AMPH: variants seen among roughly 807,000 people sequenced by gnomAD.
AMPH encodes the protein amphiphysin.
In AMPH, 49 loss-of-function variants were observed where a neutral mutation model predicts 99.1. The ratio of observed to expected loss-of-function variants is 0.49; its 90% CI spans 0.39 to 0.63. AMPH has a LOEUF of 0.63. Ranked by LOEUF, AMPH falls within the 20% of genes least tolerant of loss-of-function variation. AMPH has a pLI of 0.00. For synonymous variants in AMPH, 314 were observed against 317.3 expected (o/e 0.99, Z 0.11); for missense variants, 759 against 863.4 (o/e 0.88, Z 1.52).
intron 16 of AMPH, among the ~76,000 whole-genome samples, chr7:38,419,239 T>A (rs1200756385): frequency 6.6e-6 from 1 of 152,142 alleles, no homozygotes; most frequent in Non-Finnish European, 1.5e-5. Context: ...CATGGCAAGT[T>A]CCACAGAGAA....
At chr7:38,432,410 A>G (rs1786067283) in intron 12 of AMPH, among the ~76,000 whole-genome samples, 198 bp from the exon 13 acceptor site, 1 of 152,188 alleles carries the variant, frequency 6.6e-6, no homozygotes, top group African/African-American at 2.4e-5. Context: ...ACATGTGGCT[A>G]TTGAGCACTT....
chr7:38,442,789 A>T (rs1584098317), intron 11 of AMPH, among the ~76,000 whole-genome samples: 2 of 92,396 alleles, frequency 2.2e-5, no homozygotes, highest in African/African-American at 1.0e-4. Flanking sequence ...CCCTGAATAT[A>T]AAAAAAAAAC....
intron 1 of AMPH, among the ~76,000 whole-genome samples, chr7:38,585,892 T>A (rs1562845236): frequency 6.6e-6 from 1 of 152,256 alleles, no homozygotes; most frequent in Non-Finnish European, 1.5e-5. Context: ...AGATTTCATT[T>A]ACATAATCCT....
chr7:38,394,322 G>A, intron 17 of AMPH, 108 bp from the exon 18 acceptor site: 1 of 1,189,802 alleles, frequency 8.4e-7, no homozygotes, highest in Non-Finnish European at 1.2e-6. Context: ...ATTCAGATTT[G>A]GAACATTCTT....
At chr7:38,604,241 C>T (rs1416771458) in intron 1 of AMPH, among the ~76,000 whole-genome samples, 1 of 152,212 alleles carries the variant, frequency 6.6e-6, no homozygotes, top group Non-Finnish European at 1.5e-5. Flanking sequence ...CACACAGAAA[C>T]AATGCATAGC....
chr7:38,463,295 G>A (rs1173512861), intron 9 of AMPH, 182 bp from the exon 10 acceptor site: 1 of 774,832 alleles, frequency 1.3e-6, no homozygotes, highest in East Asian at 2.7e-5. Flanking sequence ...CCATTTATTT[G>A]CACTACAGAG....
intron 3 of AMPH, among the ~76,000 whole-genome samples, chr7:38,494,763 G>A (rs868750648): frequency 4.6e-5 from 7 of 152,220 alleles, no homozygotes; most frequent in South Asian, 2.1e-4. Context: ...ATGGGGTCTC[G>A]GGAAAGATCA....
intron 2 of AMPH, among the ~76,000 whole-genome samples, chr7:38,519,611 T>C (rs1176842484): frequency 1.3e-5 from 2 of 152,192 alleles, no homozygotes; most frequent in African/African-American, 4.8e-5. Context: ...TGTAAATGCA[T>C]GTAAAATTCT....
rs1790523307 is a variant in AMPH, at chr7:38,534,426, A to C, written c.150+505T>G. Among the ~76,000 whole-genome samples, 3 of 152,244 alleles carry C rather than the reference A, an allele frequency of 2.0e-5. No individual in the cohort carries two copies. In the South Asian group the frequency reaches 6.2e-4, roughly 32 times the overall value. ...GGTAGCTCACACCTGTAATCCCAAC[A>C]CTTTGGGAGGCCTAGGTGGGTGGAT... On this transcript the variant is annotated intron_variant, in intron 2 of 20. Transcript: ENST00000356264.
At chr7:38,597,153 G>GA (rs1019555991) in intron 1 of AMPH, among the ~76,000 whole-genome samples, 1 of 151,336 alleles carries the variant, frequency 6.6e-6, no homozygotes, top group Non-Finnish European at 1.5e-5. Flanking sequence ...AAAGGGCAGG[G>GA]AAAAAAAACA....
intron 15 of AMPH, among the ~76,000 whole-genome samples, chr7:38,426,189 A>G (rs554034938): frequency 6.6e-6 from 1 of 152,340 alleles, no homozygotes; most frequent in East Asian, 1.9e-4. Flanking sequence ...CATGTCTGAC[A>G]TTCTGAGACA....
At chr7:38,486,173 T>C (rs1788484370) in intron 5 of AMPH, among the ~76,000 whole-genome samples, 1 of 145,512 alleles carries the variant, frequency 6.9e-6, no homozygotes, top group South Asian at 2.2e-4. Context: ...TTTTTTTTTT[T>C]GAGCAGATAA....
At chr7:38,469,392 G>C (rs1050899205) in intron 7 of AMPH, among the ~76,000 whole-genome samples, 2 of 152,092 alleles carry the variant, frequency 1.3e-5, no homozygotes, top group African/African-American at 2.4e-5. Context: ...GAAAAATTAA[G>C]TTGAGCTTAT....
chr7:38,554,066 C>T (rs1389740997), intron 1 of AMPH, among the ~76,000 whole-genome samples: 1 of 152,200 alleles, frequency 6.6e-6, no homozygotes, highest in Admixed American at 6.5e-5. Flanking sequence ...TTCCATTGTC[C>T]ACACTCCTCC....
intron 17 of AMPH, among the ~76,000 whole-genome samples, chr7:38,398,342 A>G (rs1303836459): frequency 6.6e-6 from 1 of 152,220 alleles, no homozygotes; most frequent in Non-Finnish European, 1.5e-5. Context: ...CATATATACA[A>G]TGGAGTACTA....
At chr7:38,491,609 G>A (rs559292415) in intron 4 of AMPH, among the ~76,000 whole-genome samples, 1 of 152,290 alleles carries the variant, frequency 6.6e-6, no homozygotes, top group South Asian at 2.1e-4. Flanking sequence ...TACCATTTAT[G>A]GAGTATCAAT....
chr7:38,429,922 A>G, intron 13 of AMPH, 57 bp from the exon 14 acceptor site: 5 of 1,497,718 alleles, frequency 3.3e-6, no homozygotes, highest in South Asian at 2.4e-5. Context: ...CACTAACACA[A>G]TAAAATCCTA....
chr7:38,606,956 A>C (rs1170526807), intron 1 of AMPH, among the ~76,000 whole-genome samples: 3 of 152,154 alleles, frequency 2.0e-5, no homozygotes. Context: ...CAGTGAATGG[A>C]CATTTGTGTT....
intron 17 of AMPH, among the ~76,000 whole-genome samples, chr7:38,394,418 T>A (rs1784605520): frequency 6.6e-6 from 1 of 152,236 alleles, no homozygotes; most frequent in Non-Finnish European, 1.5e-5. Context: ...CCAACAATTC[T>A]ACACTCCTCA....
Sources: allele counts gnomAD v4.1 joint callset (sites outside exome capture counted in the v4.1 genomes callset), GRCh38; gene constraint gnomAD v4.1.1; transcripts MANE v1.5; gene names NCBI Gene and HGNC (gene_info 2026-07-23, HGNC 2026-07-21).